The following GSE1 variants were observed in gnomAD, a reference collection of about 807,000 sequenced individuals.
The protein encoded by GSE1 is genetic suppressor element 1.
Under a neutral mutation model 112.6 loss-of-function variants are expected in GSE1, and 32 were observed. The observed-to-expected ratio is 0.28, with a 90% CI of 0.21 to 0.38. The LOEUF (loss-of-function observed/expected upper bound fraction) is 0.38. Ranked by LOEUF, GSE1 falls within the 10% of genes least tolerant of loss-of-function variation. The pLI is 1.00. For missense variants in GSE1, 2,348 were observed against 1,699.2 expected, an observed-to-expected ratio of 1.38 and a Z score of -6.71; for synonymous variants, 1,115 against 735.6, an observed-to-expected ratio of 1.52 and a Z score of -8.35.
intron 2 of GSE1, among the ~76,000 whole-genome samples, chr16:85,486,638 C>T (rs977935066): frequency 3.3e-5 from 5 of 152,202 alleles, no homozygotes; most frequent in Non-Finnish European, 7.3e-5. Flanking sequence ...TGGTCCCCAG[C>T]CTCGTCCCAC....
At chr16:85,327,487 C>T (rs1490655714) in intron 1 of GSE1, among the ~76,000 whole-genome samples, 2 of 152,132 alleles carry the variant, frequency 1.3e-5, no homozygotes, top group Non-Finnish European at 2.9e-5. Context: ...CCTGTAGTCC[C>T]AGCTACTCCA....
intron 2 of GSE1, among the ~76,000 whole-genome samples, chr16:85,365,936 C>T (rs892898625): frequency 4.6e-5 from 7 of 152,206 alleles, no homozygotes; most frequent in East Asian, 1.9e-4. Context: ...ACGGGGATGA[C>T]GGGGTTTCAA....
intron 1 of GSE1, among the ~76,000 whole-genome samples, chr16:85,246,256 TACACACACAC>T (rs560365750): frequency 3.4e-5 from 3 of 87,004 alleles, no homozygotes; most frequent in African/African-American, 1.0e-4. Context: ...ACACGCTGTC[TACACACACAC>T]ACACACACCC....
intron 1 of GSE1, among the ~76,000 whole-genome samples, chr16:85,228,066 C>T (rs559855826): frequency 1.7e-4 from 26 of 152,164 alleles, no homozygotes; most frequent in Non-Finnish European, 4.4e-5. Flanking sequence ...GGGCAGTGGG[C>T]GAGTGGCTCC....
intron 1 of GSE1, among the ~76,000 whole-genome samples, chr16:85,228,870 C>T (rs893371679): frequency 1.3e-5 from 2 of 152,234 alleles, no homozygotes; most frequent in African/African-American, 4.8e-5. Flanking sequence ...CTAGAAGGCA[C>T]CCTGGGGCCT....
At chr16:85,537,928 G>A (rs1217806095) in intron 2 of GSE1, among the ~76,000 whole-genome samples, 3 of 152,240 alleles carry the variant, frequency 2.0e-5, no homozygotes, top group African/African-American at 7.2e-5. Context: ...GAGGCCTGAG[G>A]CAGGGAGGCG....
rs189589261 is a variant in GSE1 at position 85,441,595 on chromosome 16, C to G, written c.2464+83952C>G. On this transcript the variant is annotated intron_variant, in intron 2 of 2. Transcript: ENST00000637419. ...CTGGGAGGCAGAGGTTGCAGTGAGC[C>G]AAGATCTCACCACTGCACTCCAGCC... is the stretch of plus-strand genomic sequence containing the variant. Among the ~76,000 whole-genome samples the G allele has an allele frequency of 4.6e-5, 7 of 152,318 alleles. No individual in the cohort carries two copies. The East Asian group carries it at 9.6e-4, about 21-fold the overall frequency.
intron 2 of GSE1, among the ~76,000 whole-genome samples, chr16:85,517,488 G>A (rs2051989557): frequency 6.6e-6 from 1 of 152,182 alleles, no homozygotes; most frequent in Non-Finnish European, 1.5e-5. Context: ...AGACACTGGG[G>A]CCTCAGCCCA....
chr16:85,331,361 G>GTATATATATATGTATATATA (rs1299782485), intron 1 of GSE1, among the ~76,000 whole-genome samples: 4 of 66,974 alleles, frequency 6.0e-5, no homozygotes, highest in African/African-American at 2.1e-4. Flanking sequence ...GTGTGTGTGT[G>GTATATATATATGTATATATA]TGTGTATATA....
chr16:85,324,657 G>A (rs2046188636), intron 1 of GSE1, among the ~76,000 whole-genome samples: 1 of 152,296 alleles, frequency 6.6e-6, no homozygotes, highest in East Asian at 1.9e-4. Context: ...ACAAAATCTG[G>A]TCTACCCAGA....
chr16:85,667,497 A>G (rs541619962), intron 13 of GSE1, among the ~76,000 whole-genome samples: 3 of 152,364 alleles, frequency 2.0e-5, no homozygotes, highest in East Asian at 3.9e-4. Context: ...CCTAGGGATC[A>G]AAACAGCCAC....
intron 1 of GSE1, among the ~76,000 whole-genome samples, chr16:85,269,348 C>T (rs927092160): frequency 1.3e-5 from 2 of 149,208 alleles, no homozygotes; most frequent in African/African-American, 4.8e-5. Flanking sequence ...GGCTGGGAGG[C>T]GAGCGTAATT....
At chr16:85,624,348 A>G (rs1168424784) in intron 1 of GSE1, among the ~76,000 whole-genome samples, 3 of 152,196 alleles carry the variant, frequency 2.0e-5, no homozygotes, top group African/African-American at 7.2e-5. Context: ...CATGGGCTAC[A>G]CAGGGCACCC....
rs2047345841 is a variant in GSE1 at position 85,373,513 on chromosome 16, C to T, written c.2464+15870C>T. On this transcript the variant is annotated intron_variant, in intron 2 of 2. Coordinates refer to the GSE1 transcript ENST00000637419. The surrounding 1 kb of genome is among the most constrained non-coding windows in gnomAD (Gnocchi z 5.1). ...CATTTGTGAAGTAGGGATGCTGTGG[C>T]AGCTGCCTCCCGGGGCCCCTGGGAG... Among the ~76,000 whole-genome samples, 1 of 152,140 alleles carries T rather than the reference C, an allele frequency of 6.6e-6. No individual in the cohort carries two copies. Among genetic ancestry groups the T allele is most frequent in the South Asian group, 2.1e-4 (1 of 4,826 alleles).
At chr16:85,448,384 G>A (rs888406844) in intron 2 of GSE1, among the ~76,000 whole-genome samples, 1 of 152,180 alleles carries the variant, frequency 6.6e-6, no homozygotes, top group African/African-American at 2.4e-5. Context: ...ACCAGATACC[G>A]AACGGTGGTG....
At chr16:85,314,675 C>T (rs934798834) in intron 1 of GSE1, among the ~76,000 whole-genome samples, 1 of 152,224 alleles carries the variant, frequency 6.6e-6, no homozygotes, top group Non-Finnish European at 1.5e-5. Flanking sequence ...CATGGCGGGC[C>T]TGGGTCTCTG....
intron 1 of GSE1, among the ~76,000 whole-genome samples, chr16:85,570,691 G>T (rs1020419057): frequency 1.3e-5 from 2 of 152,206 alleles, no homozygotes; most frequent in Non-Finnish European, 2.9e-5. Context: ...TCCTTGCCCT[G>T]GTTTGGAAAG....
At chr16:85,613,235 C>T, upstream of GSE1, 1 of 1,512,072 alleles carries the variant, frequency 6.6e-7, no homozygotes, top group Non-Finnish European at 8.8e-7. Flanking sequence ...GCGACAGCAG[C>T]AGGTGTTTCT....
intron 1 of GSE1, among the ~76,000 whole-genome samples, chr16:85,217,614 G>C (rs890151353): frequency 5.9e-5 from 9 of 152,222 alleles, no homozygotes; most frequent in African/African-American, 1.9e-4. Flanking sequence ...GGTTGTGAGA[G>C]TTAAATGCGT....
Sources: allele counts gnomAD v4.1 joint callset (sites outside exome capture counted in the v4.1 genomes callset), GRCh38; gene constraint gnomAD v4.1.1; non-coding constraint Gnocchi (gnomAD v3.1); transcripts MANE v1.5; gene names NCBI Gene and HGNC (gene_info 2026-07-23, HGNC 2026-07-21).